The following ITIH5 variants were observed in gnomAD, a reference collection of about 807,000 sequenced individuals.
ITIH5 encodes inter-alpha-trypsin inhibitor heavy chain 5.
In ITIH5, 65 loss-of-function variants were observed where a neutral mutation model predicts 77.5. That is an observed-to-expected ratio of 0.84 (90% confidence interval 0.69 to 1.03). The LOEUF (loss-of-function observed/expected upper bound fraction) is 1.03. Among genes scored for constraint, ITIH5 ranks in the 50% least tolerant of loss-of-function variants. The probability of loss-of-function intolerance (pLI) is 0.00; values close to 1 mark genes in which losing one functional copy is unlikely to be tolerated. For missense variants in ITIH5, 1,208 were observed against 1,213.1 expected, an observed-to-expected ratio of 1.00 and a Z score of 0.06; for synonymous variants, 525 against 494.3, an observed-to-expected ratio of 1.06 and a Z score of -0.82.
At chr10:7,568,998 T>TTTTTTC (rs1260819575) in intron 12 of ITIH5, among the ~76,000 whole-genome samples, 4 of 140,850 alleles carry the variant, frequency 2.8e-5, no homozygotes, top group Non-Finnish European at 3.0e-5. Context: ...TTTCTTTTCT[T>TTTTTTC]TTTTTCTTTT....
In ITIH5 at chr10:7,624,832, TACATG is replaced by T. The variant is rs1300504776; in HGVS notation, c.653-7555_653-7551del. 9.4e-5 allele frequency among the ~76,000 whole-genome samples: 13 copies of T among 138,818 alleles called. 2 individuals carry two copies. In the East Asian group the frequency reaches 2.5e-3, roughly 27 times the overall value. The allele number at this position is 138,818 out of a possible 152,430, so 91.1% of individuals were successfully genotyped here. Reference sequence around the variant, plus strand: ...ATATATACACATATATATGTGTATATACATGTATATACACATATATATGTGTATAT... The same window carrying T: ...ATATATACACATATATATGTGTATATTATATACACATATATATGTGTATAT... On this transcript the variant is annotated intron_variant, in intron 5 of 13. Coordinates refer to ENST00000397146, the MANE Select transcript of ITIH5 (RefSeq NM_030569.7).
At position 7,576,917 on chromosome 10, in the gene ITIH5, T is replaced by C. The variant is rs1391839229; in HGVS notation, c.1514A>G (p.Asn505Ser). 3.1e-6 allele frequency: 5 copies of C among 1,614,122 alleles called. No individual in the cohort carries two copies. The highest frequency in any genetic ancestry group is 1.3e-5 in the African/African-American group (1 of 75,024). ...VVQATKTLFPNYFNGSEIIIA... is the reference protein window; with the variant it reads ...VVQATKTLFPSYFNGSEIIIA... ...GATGATCTCCGAGCCGTTGAAGTAG[T>C]TGGGGAACAGGGTCTTGGTGGCCTG... Residue 505 changes from asparagine to serine, a missense_variant, in exon 10 of 14, where the codon AAC (asparagine) becomes AGC (serine). Physicochemically the swap from Asn to Ser is conservative, Grantham distance 46. Transcript: ENST00000397146.
At chr10:7,659,499 T>C (rs1588433572) in intron 1 of ITIH5, among the ~76,000 whole-genome samples, 3 of 152,324 alleles carry the variant, frequency 2.0e-5, no homozygotes, top group Admixed American at 2.0e-4. Context: ...TTTATCAGTC[T>C]TGCATGATCA....
chr10:7,572,357 T>C (rs200962657), intron 11 of ITIH5: 79 of 1,367,350 alleles, frequency 5.8e-5, no homozygotes, highest in Non-Finnish European at 7.0e-5. Context: ...GGAAATTTCA[T>C]GACATTTGAA....
intron 9 of ITIH5, among the ~76,000 whole-genome samples, chr10:7,579,106 A>T (rs1484096742): frequency 1.3e-5 from 2 of 152,250 alleles, no homozygotes; most frequent in East Asian, 3.8e-4. Flanking sequence ...TAAATACTTA[A>T]TATGGGATGG....
At chr10:7,615,922 C>T in intron 7 of ITIH5, 60 bp downstream of exon 7, 1 of 1,045,602 alleles carries the variant, frequency 9.6e-7, no homozygotes, top group Non-Finnish European at 1.5e-6. Context: ...ATTCGCAAAG[C>T]AAGTCATTGT....
Position 7,583,203 on chromosome 10 carries a change from C to A in ITIH5, c.1108+2698G>T, listed in dbSNP as rs375216199. On this transcript the variant is annotated intron_variant, in intron 8 of 13. Transcript: ENST00000397146. ...ATCTCCCCCACGGCTTAACATCCTC[C>A]AGATTTTCTAGCTAAAAAAGTAGAT... 1.9e-4 allele frequency among the ~76,000 whole-genome samples: 29 copies of A among 152,302 alleles called. No homozygotes were observed. The East Asian group carries it at 5.4e-3, about 28-fold the overall frequency.
rs572767997 is a variant in ITIH5 at position 7,566,343 on chromosome 10, G to A, written c.2214C>T (p.Arg738=). The part of the protein sequence containing the change: ...PAPPNGHKKQ[R]TYLRTITILI... ...GGATGGTGATAGTGCGCAAGTAAGT[G>A]CGCTGTTTCTTGTGGCCATTTGGAG... Residue 738 remains arginine, a synonymous_variant, in exon 13 of 14, where the codon CGC becomes CGT. Coordinates refer to ENST00000397146, the MANE Select transcript of ITIH5 (RefSeq NM_030569.7). 1.2e-6 allele frequency: 2 copies of A among 1,609,378 alleles called. No individual in the cohort carries two copies. Among genetic ancestry groups the A allele is most frequent in the East Asian group, 2.2e-5 (1 of 44,704 alleles).
At chr10:7,619,903 C>T (rs11255246) in intron 5 of ITIH5, 22,691 of 152,778 alleles carry the variant, frequency 0.15, 1,834 homozygotes, top group East Asian at 0.26. Flanking sequence ...GGGGCCAGGC[C>T]CGGTGGCTCA....
At position 7,601,511 on chromosome 10, in the gene ITIH5, A is replaced by G. The variant is rs191447498; in HGVS notation, c.939+14471T>C. ...GCCAGGCTGTCTCTCTCTCAATGAC[A>G]CAAGTCTGCTCCGTAGGAACTCTGA... is the stretch of plus-strand genomic sequence containing the variant. On this transcript the variant is annotated intron_variant, in intron 7 of 13. Transcript: ENST00000397146. Among the ~76,000 whole-genome samples the G allele has an allele frequency of 6.0e-3, 906 of 152,244 alleles. 5 individuals are homozygous for G. The highest frequency in any genetic ancestry group is 0.02 in the African/African-American group (846 of 41,522).
chr10:7,661,233 G>A (rs1834271950), intron 1 of ITIH5, among the ~76,000 whole-genome samples: 1 of 152,128 alleles, frequency 6.6e-6, no homozygotes, highest in South Asian at 2.1e-4. Flanking sequence ...AAAGGTTGGG[G>A]ACTGCTGCCA....
At chr10:7,608,925 TGC>T (rs1833186792) in intron 7 of ITIH5, among the ~76,000 whole-genome samples, 2 of 123,366 alleles carry the variant, frequency 1.6e-5, no homozygotes, top group African/African-American at 7.2e-5. Flanking sequence ...GACATCTGTG[TGC>T]ACTCACCTGA....
At chr10:7,580,592 G>A (rs942131847) in intron 8 of ITIH5, among the ~76,000 whole-genome samples, 3 of 152,212 alleles carry the variant, frequency 2.0e-5, no homozygotes, top group Admixed American at 6.5e-5. Flanking sequence ...ATGTGGCGAC[G>A]CCTTAGCTTA....
At chr10:7,586,374 T>G (rs1321269392) in intron 7 of ITIH5, among the ~76,000 whole-genome samples, 1 of 152,182 alleles carries the variant, frequency 6.6e-6, no homozygotes, top group Non-Finnish European at 1.5e-5. Flanking sequence ...CCCACCACCC[T>G]ACCTCCATCT....
At chr10:7,584,053 C>T (rs1168667406) in intron 8 of ITIH5, among the ~76,000 whole-genome samples, 1 of 152,204 alleles carries the variant, frequency 6.6e-6, no homozygotes, top group Non-Finnish European at 1.5e-5. Flanking sequence ...CCATTGTTAT[C>T]TTCATTCTAC....
chr10:7,585,841 C>CAA, intron 8 of ITIH5, 60 bp downstream of exon 8: 1 of 1,321,774 alleles, frequency 7.6e-7, no homozygotes, highest in Non-Finnish European at 1.0e-6. Context: ...AAAAAAAAAA[C>CAA]CAAAAAAAAA....
chr10:7,658,150 A>C (rs1010698515), intron 1 of ITIH5, among the ~76,000 whole-genome samples: 18 of 152,238 alleles, frequency 1.2e-4, no homozygotes, highest in African/African-American at 4.3e-4. Context: ...AATGTGCATC[A>C]AAGTGCTAAT....
intron 1 of ITIH5, among the ~76,000 whole-genome samples, chr10:7,659,452 T>A (rs1834241580): frequency 6.6e-6 from 1 of 152,056 alleles, no homozygotes; most frequent in Non-Finnish European, 1.5e-5. Context: ...CAAGAGACTG[T>A]GAAAGGAAGG....
At chr10:7,571,351 A>G (rs1348767817) in intron 11 of ITIH5, 1 of 152,146 alleles carries the variant, frequency 6.6e-6, no homozygotes, top group Non-Finnish European at 1.5e-5. Flanking sequence ...ATGACATACA[A>G]TAGTGTAGTA....
Sources: allele counts gnomAD v4.1 joint callset (sites outside exome capture counted in the v4.1 genomes callset), GRCh38; gene constraint gnomAD v4.1.1; transcripts MANE v1.5; gene names NCBI Gene and HGNC (gene_info 2026-07-23, HGNC 2026-07-21).